DPP6: variants seen among roughly 807,000 people sequenced by gnomAD.
DPP6 encodes A-type potassium channel modulatory protein DPP6.
In DPP6, 69 loss-of-function variants were observed where a neutral mutation model predicts 122.6. The observed-to-expected ratio is 0.56, with a 90% CI of 0.46 to 0.69. The LOEUF (loss-of-function observed/expected upper bound fraction) is 0.69, where lower values mean the gene tolerates loss of function less well. Ranked by LOEUF, DPP6 falls within the 30% of genes least tolerant of loss-of-function variation. The pLI is 0.00. For synonymous variants in DPP6, 418 were observed against 433.1 expected (o/e 0.97, Z 0.43); for missense variants, 928 against 1,116.9 (o/e 0.83, Z 2.41).
At chr7:154,737,212 C>A (rs770152795) in intron 8 of DPP6, among the ~76,000 whole-genome samples, 1 of 152,134 alleles carries the variant, frequency 6.6e-6, no homozygotes. Flanking sequence ...ACTTCGAGAG[C>A]GCTATGAAGA....
intron 23 of DPP6, 38 bp from the exon 24 acceptor site, chr7:154,889,234 A>G: frequency 3.7e-6 from 6 of 1,603,214 alleles, no homozygotes; most frequent in Non-Finnish European, 5.1e-6. Context: ...CCTGCAGTGC[A>G]GCCCCCTAAC....
intron 1 of DPP6, among the ~76,000 whole-genome samples, chr7:153,995,646 T>C (rs567086230): frequency 5.4e-5 from 8 of 148,910 alleles, no homozygotes; most frequent in African/African-American, 1.7e-4. Flanking sequence ...AGAGATTTAC[T>C]AGATGATGTG....
intron 6 of DPP6, among the ~76,000 whole-genome samples, chr7:154,650,105 A>G (rs745583003): frequency 3.3e-5 from 5 of 152,194 alleles, no homozygotes; most frequent in Non-Finnish European, 7.4e-5. Context: ...GGATCTCTTG[A>G]GCCCAGGAGT....
intron 16 of DPP6, among the ~76,000 whole-genome samples, chr7:154,820,929 G>A (rs1799721145): frequency 6.6e-6 from 1 of 152,110 alleles, no homozygotes; most frequent in South Asian, 2.1e-4. Context: ...AAGATTACAG[G>A]CAGGGCTCAG....
rs566365043 is a variant in DPP6, at chr7:154,561,157, G to A, written c.553-5685G>A. Among the ~76,000 whole-genome samples, 4 of 152,314 alleles carry A rather than the reference G, an allele frequency of 2.6e-5. No individual in the cohort carries two copies. The South Asian group carries it at 8.3e-4, about 32-fold the overall frequency. On this transcript the variant is annotated intron_variant, in intron 4 of 25. Transcript: ENST00000377770. ...AATAGACAAATCCATAATTTAAGTT[G>A]TAGATCCCAACAATCCTCTCTGAGT...
intron 1 of DPP6, among the ~76,000 whole-genome samples, chr7:154,381,513 A>T (rs1363827844): frequency 6.6e-6 from 1 of 152,168 alleles, no homozygotes; most frequent in African/African-American, 2.4e-5. Flanking sequence ...ATACACATCT[A>T]TAATGTATGA....
chr7:154,409,312 T>A (rs1266788871), intron 1 of DPP6, among the ~76,000 whole-genome samples: 1 of 151,932 alleles, frequency 6.6e-6, no homozygotes, highest in Admixed American at 6.6e-5. Flanking sequence ...GAAAAGACCA[T>A]GAAAGTATAG....
intron 3 of DPP6, among the ~76,000 whole-genome samples, chr7:154,539,470 C>T (rs1044110212): frequency 6.6e-6 from 1 of 151,824 alleles, no homozygotes. Flanking sequence ...CATCACACAC[C>T]AGGGCCTGTT....
intron 5 of DPP6, among the ~76,000 whole-genome samples, chr7:154,572,433 A>G (rs568976436): frequency 6.6e-6 from 1 of 151,706 alleles, no homozygotes; most frequent in East Asian, 1.9e-4. Context: ...TATTGAACCC[A>G]TATTGTGGAC....
the DPP6 span, among the ~76,000 whole-genome samples, chr7:153,800,374 C>G: frequency 5.9e-5 from 9 of 152,214 alleles, no homozygotes; most frequent in Middle Eastern, 3.4e-3. Context: ...TAAAAAAGTT[C>G]ATTTCATGAA....
chr7:154,492,414 A>G (rs879167271), intron 3 of DPP6, among the ~76,000 whole-genome samples: 8 of 152,132 alleles, frequency 5.3e-5, no homozygotes, highest in African/African-American at 1.9e-4. Context: ...GTGCATGTTG[A>G]TTTAATAGGA....
chr7:154,193,382 A>G (rs1484735481), intron 1 of DPP6, among the ~76,000 whole-genome samples: 1 of 152,224 alleles, frequency 6.6e-6, no homozygotes, highest in East Asian at 1.9e-4. Context: ...ATTTTTGAGG[A>G]AGCAAGAGTG....
At chr7:153,918,350 CT>C (rs1017908841) in intron 1 of DPP6, among the ~76,000 whole-genome samples, 21 of 151,862 alleles carry the variant, frequency 1.4e-4, no homozygotes, top group African/African-American at 5.1e-4. Context: ...AGTTGGATAT[CT>C]TTTGCTATTT....
intron 21 of DPP6, 112 bp downstream of exon 21, chr7:154,881,054 G>A (rs745875558): frequency 1.8e-5 from 25 of 1,408,980 alleles, no homozygotes; most frequent in Middle Eastern, 3.7e-4. Flanking sequence ...TGGTGAGCAA[G>A]TAATTTTTTA....
At chr7:154,359,258 C>T (rs1193398288) in intron 1 of DPP6, among the ~76,000 whole-genome samples, 1 of 152,174 alleles carries the variant, frequency 6.6e-6, no homozygotes, top group Non-Finnish European at 1.5e-5. Flanking sequence ...GAAGCCTTAA[C>T]AAGGCATTCA....
intron 3 of DPP6, among the ~76,000 whole-genome samples, chr7:154,522,394 C>T (rs1226841376): frequency 6.6e-6 from 1 of 152,032 alleles, no homozygotes; most frequent in Non-Finnish European, 1.5e-5. Context: ...TGCGTGAGGC[C>T]CTTGAGCCAG....
intron 1 of DPP6, among the ~76,000 whole-genome samples, chr7:154,344,006 G>A (rs1287501937): frequency 3.3e-5 from 5 of 152,000 alleles, no homozygotes; most frequent in South Asian, 2.1e-4. Context: ...GTGAGCCACC[G>A]TGCCCCACCC....
At chr7:154,701,558 C>T (rs1840529209) in intron 7 of DPP6, among the ~76,000 whole-genome samples, 1 of 152,176 alleles carries the variant, frequency 6.6e-6, no homozygotes. Flanking sequence ...GCTGAGTGCA[C>T]TGTGAATTAG....
intron 1 of DPP6, among the ~76,000 whole-genome samples, chr7:153,927,397 A>T (rs374109780): frequency 4.6e-5 from 7 of 152,360 alleles, no homozygotes; most frequent in African/African-American, 1.7e-4. Flanking sequence ...ATACATGTAT[A>T]CTTTGTAAAA....
Sources: allele counts gnomAD v4.1 joint callset (sites outside exome capture counted in the v4.1 genomes callset), GRCh38; gene constraint gnomAD v4.1.1; transcripts MANE v1.5; gene names NCBI Gene and HGNC (gene_info 2026-07-23, HGNC 2026-07-21).